The following LUZP2 variants were observed in gnomAD, a reference collection of about 807,000 sequenced individuals.
The protein encoded by LUZP2 is leucine zipper protein 2.
Under a neutral mutation model 51.6 loss-of-function variants are expected in LUZP2, and 52 were observed. The ratio of observed to expected loss-of-function variants is 1.01; its 90% CI spans 0.81 to 1.27. The LOEUF is 1.27. Ranked by LOEUF, LUZP2 falls within the 50% of genes most tolerant of loss-of-function variation. The pLI is 0.00. For missense variants in LUZP2, 436 were observed against 395.4 expected (o/e 1.10, Z -0.87); for synonymous variants, 154 against 137.3 (o/e 1.12, Z -0.85).
At chr11:24,561,365 AATT>A (rs1377771271) in intron 1 of LUZP2, among the ~76,000 whole-genome samples, 1 of 151,988 alleles carries the variant, frequency 6.6e-6, no homozygotes, top group Non-Finnish European at 1.5e-5. Flanking sequence ...ATATTTTATT[AATT>A]ATTTTATAAA....
chr11:24,564,232 A>G (rs1852145453), intron 1 of LUZP2, among the ~76,000 whole-genome samples: 1 of 152,170 alleles, frequency 6.6e-6, no homozygotes, highest in Non-Finnish European at 1.5e-5. Flanking sequence ...TAAAGGCTTT[A>G]AAATACAAAT....
Position 24,791,976 on chromosome 11 carries a change from C to A in LUZP2, c.396+28668C>A, listed in dbSNP as rs184579707. 4.7e-3 allele frequency among the ~76,000 whole-genome samples: 664 copies of A among 141,296 alleles called. 9 individuals are homozygous for A. Among genetic ancestry groups the A allele is most frequent in the African/African-American group, 0.016 (613 of 38,914 alleles). 92.7% of individuals were successfully genotyped at this position (141,296 alleles called of 152,430 possible). ...GAGAGTCTTTTTTTTTTTTTCCATT[C>A]AATCCAAATAGCAGCTTTTTTCTTC... On this transcript the variant is annotated intron_variant, in intron 5 of 11. Coordinates refer to ENST00000336930, the MANE Select transcript of LUZP2 (RefSeq NM_001009909.4).
At chr11:24,981,653 G>A (rs1013844380) in intron 8 of LUZP2, among the ~76,000 whole-genome samples, 2 of 151,840 alleles carry the variant, frequency 1.3e-5, no homozygotes, top group East Asian at 3.9e-4. Flanking sequence ...CAGAGGAAAT[G>A]AGAGTTTTAT....
At chr11:24,652,112 TTG>T (rs34372204) in intron 1 of LUZP2, among the ~76,000 whole-genome samples, 145,545 of 151,738 alleles carry the variant, frequency 0.96, 69,945 homozygotes, top group Non-Finnish European at 1. Flanking sequence ...GTATATGTGT[TTG>T]TGTGTGTGTG....
At chr11:24,667,186 T>TTC (rs1856242749) in intron 1 of LUZP2, among the ~76,000 whole-genome samples, 1 of 146,078 alleles carries the variant, frequency 6.8e-6, no homozygotes, top group African/African-American at 2.5e-5. Context: ...CTTTTTTTCT[T>TTC]TTTTTTTTTT....
At chr11:24,882,075 G>A (rs1298896438) in intron 5 of LUZP2, among the ~76,000 whole-genome samples, 1 of 151,922 alleles carries the variant, frequency 6.6e-6, no homozygotes, top group Non-Finnish European at 1.5e-5. Context: ...GTCGCTTCAT[G>A]TAATTAAAGG....
intron 1 of LUZP2, among the ~76,000 whole-genome samples, chr11:24,516,924 A>G (rs1263761254): frequency 6.6e-6 from 1 of 152,176 alleles, no homozygotes; most frequent in African/African-American, 2.4e-5. Context: ...ACTTATTTTT[A>G]CATACTCAAG....
At chr11:24,892,447 C>A (rs3598) in intron 5 of LUZP2, 457,505 of 927,386 alleles carry the variant, frequency 0.49, 113,767 homozygotes, top group East Asian at 0.69. Context: ...TATAATTCAA[C>A]ATTTATACCA....
intron 7 of LUZP2, among the ~76,000 whole-genome samples, chr11:24,969,960 G>A (rs1855698005): frequency 6.6e-6 from 1 of 152,038 alleles, no homozygotes; most frequent in South Asian, 2.1e-4. Flanking sequence ...GGAATTCTAG[G>A]AATTATCTTA....
intron 7 of LUZP2, among the ~76,000 whole-genome samples, chr11:24,928,424 G>T (rs1854343079): frequency 1.3e-5 from 2 of 151,942 alleles, no homozygotes; most frequent in South Asian, 4.2e-4. Context: ...TTTGCTTAGG[G>T]TTATAATCAT....
chr11:24,581,367 TG>T (rs1319543347), intron 1 of LUZP2, among the ~76,000 whole-genome samples: 3 of 152,090 alleles, frequency 2.0e-5, no homozygotes, highest in Non-Finnish European at 2.9e-5. Context: ...CTAACATCAA[TG>T]GGAATATGCA....
At chr11:25,027,980 GATATA>G (rs1857544663) in intron 9 of LUZP2, among the ~76,000 whole-genome samples, 1 of 152,038 alleles carries the variant, frequency 6.6e-6, no homozygotes, top group East Asian at 1.9e-4. Context: ...ACTAGTATTT[GATATA>G]ATATACTTTC....
chr11:25,008,862 C>T (rs765433455), intron 9 of LUZP2, among the ~76,000 whole-genome samples: 3 of 152,046 alleles, frequency 2.0e-5, no homozygotes, highest in East Asian at 1.9e-4. Flanking sequence ...GGCCCATGGG[C>T]GGGCCTGGGA....
chr11:24,954,821 A>C (rs1590769383), intron 7 of LUZP2, among the ~76,000 whole-genome samples: 1 of 152,102 alleles, frequency 6.6e-6, no homozygotes, highest in African/African-American at 2.4e-5. Context: ...ATTCTACAAG[A>C]TAGTATAACA....
intron 1 of LUZP2, among the ~76,000 whole-genome samples, chr11:24,627,315 G>C (rs747449000): frequency 6.6e-6 from 1 of 152,104 alleles, no homozygotes; most frequent in Non-Finnish European, 1.5e-5. Context: ...AATGTGCCCA[G>C]AAAAAAGAGA....
chr11:24,972,971 A>G (rs980726540), intron 7 of LUZP2, among the ~76,000 whole-genome samples: 4 of 151,248 alleles, frequency 2.6e-5, no homozygotes, highest in Non-Finnish European at 5.9e-5. Context: ...CTTCCTTTTC[A>G]ACTGTTTGTG....
intron 7 of LUZP2, among the ~76,000 whole-genome samples, chr11:24,967,576 T>A (rs1855624100): frequency 1.3e-5 from 2 of 150,304 alleles, no homozygotes; most frequent in African/African-American, 5.0e-5. Flanking sequence ...TCTTCAAACT[T>A]TTTTTCTCTT....
intron 9 of LUZP2, among the ~76,000 whole-genome samples, chr11:24,999,965 C>T (rs1397011286): frequency 1.3e-5 from 2 of 152,100 alleles, no homozygotes; most frequent in Non-Finnish European, 2.9e-5. Context: ...GTTGTTGCTG[C>T]TGGCTCTAGT....
chr11:24,921,856 G>GT (rs1854070828), intron 7 of LUZP2, among the ~76,000 whole-genome samples: 1 of 151,934 alleles, frequency 6.6e-6, no homozygotes, highest in Admixed American at 6.6e-5. Flanking sequence ...TATATTTAGC[G>GT]TTTTTACTTT....
Sources: allele counts gnomAD v4.1 joint callset (sites outside exome capture counted in the v4.1 genomes callset), GRCh38; gene constraint gnomAD v4.1.1; transcripts MANE v1.5; gene names NCBI Gene and HGNC (gene_info 2026-07-23, HGNC 2026-07-21).